Variants in OSBPL3 observed in about 807,000 individuals in gnomAD.
The protein encoded by OSBPL3 is oxysterol binding protein like 3.
In OSBPL3, 65 loss-of-function variants were observed where a neutral mutation model predicts 120.1. The observed-to-expected ratio is 0.54, with a 90% CI of 0.44 to 0.67. The LOEUF is 0.67. Among genes scored for constraint, OSBPL3 ranks in the 30% least tolerant of loss-of-function variants. The pLI, the probability that OSBPL3 is intolerant of heterozygous loss-of-function variation, is 0.00. For missense variants in OSBPL3, 1,004 were observed against 1,082.1 expected (o/e 0.93, Z 1.01); for synonymous variants, 416 against 402.6 (o/e 1.03, Z -0.40).
In OSBPL3 at chr7:24,808,304, T is replaced by G. The variant is rs898544684; in HGVS notation, c.2318-1402A>C. On this transcript the variant is annotated intron_variant, in intron 20 of 22. Coordinates refer to ENST00000313367, the MANE Select transcript of OSBPL3 (RefSeq NM_015550.4). This position sits in a 1 kb window ranked among gnomAD's most constrained non-coding sequence, Gnocchi z 4.6. The stretch of plus-strand genomic sequence containing the variant: ...AGCAAAGTTTCCTATGGTGTCTTGG[T>G]CAGCTCCCCAGTAACCAGGGAGTGA... 6.6e-6 allele frequency among the ~76,000 whole-genome samples: 1 copy of G among 152,210 alleles called. No individual in the cohort carries two copies. Among genetic ancestry groups the G allele is most frequent in the Non-Finnish European group, 1.5e-5 (1 of 68,038 alleles).
At chr7:24,904,417 A>G (rs569748272) in intron 1 of OSBPL3, among the ~76,000 whole-genome samples, 4 of 152,364 alleles carry the variant, frequency 2.6e-5, no homozygotes, top group South Asian at 2.1e-4. Context: ...AGCAATAACA[A>G]TACAACAATG....
intron 22 of OSBPL3, among the ~76,000 whole-genome samples, chr7:24,801,378 A>C (rs1792337634): frequency 6.6e-6 from 1 of 152,094 alleles, no homozygotes; most frequent in African/African-American, 2.4e-5. Context: ...TACAGCTTCA[A>C]GTTTTTATCT....
rs1795160635 is a variant in OSBPL3, at chr7:24,821,790, T to C, written c.1885-1552A>G. Among the ~76,000 whole-genome samples, 2 of 152,202 alleles carry C rather than the reference T, an allele frequency of 1.3e-5. No homozygotes were observed. The highest frequency in any genetic ancestry group is 1.5e-5 in the Non-Finnish European group (1 of 68,022). On this transcript the variant is annotated intron_variant, in intron 16 of 22. Coordinates refer to ENST00000313367, the MANE Select transcript of OSBPL3 (RefSeq NM_015550.4). This position sits in a 1 kb window ranked among gnomAD's most constrained non-coding sequence, Gnocchi z 5.5. ...AAGAACGTGAGCCCTTCTGTGCCTG[T>C]GGGATTTTCAAGGGCAACTTTCACT...
chr7:24,830,227 C>T lies in OSBPL3; in HGVS notation c.1884+541G>A, dbSNP rs1796201732. ...TCAGATGAGGGCAGGGACTCCTGTC[C>T]GGACCCCTCACCCCCCACCCCACTG... On this transcript the variant is annotated intron_variant, in intron 16 of 22. Coordinates refer to ENST00000313367, the MANE Select transcript of OSBPL3 (RefSeq NM_015550.4). The surrounding 1 kb of genome is among the most constrained non-coding windows in gnomAD (Gnocchi z 4.4). Among the ~76,000 whole-genome samples, 1 of 152,098 alleles carries T rather than the reference C, an allele frequency of 6.6e-6. No individual in the cohort carries two copies. The highest frequency in any genetic ancestry group is 2.4e-5 in the African/African-American group (1 of 41,410).
In OSBPL3 at chr7:24,799,155, T is replaced by G. The variant is rs905212284; in HGVS notation, c.*1028A>C. ...AGATGGCAACTTTTTATACAAGATCTAAAATATGGTGCTTATTAAGAGGTA... is the reference window on the plus strand; with the variant it reads ...AGATGGCAACTTTTTATACAAGATCGAAAATATGGTGCTTATTAAGAGGTA... On this transcript the variant is annotated 3_prime_UTR_variant, in exon 23 of 23. Coordinates refer to ENST00000313367, the MANE Select transcript of OSBPL3 (RefSeq NM_015550.4). The surrounding 1 kb of genome is among the most constrained non-coding windows in gnomAD (Gnocchi z 5.3). 2 of 152,652 alleles carry G rather than the reference T, an allele frequency of 1.3e-5. No individual in the cohort carries two copies. Among genetic ancestry groups the G allele is most frequent in the African/African-American group, 4.8e-5 (2 of 41,464 alleles). The allele number at this position is 152,652 out of a possible 1,614,324, so 9.5% of individuals were successfully genotyped here.
intron 1 of OSBPL3, among the ~76,000 whole-genome samples, chr7:24,941,457 C>T (rs1187871059): frequency 6.6e-6 from 1 of 152,160 alleles, no homozygotes; most frequent in Non-Finnish European, 1.5e-5. Flanking sequence ...ATATCTCCTA[C>T]CTAGCTTTCC....
chr7:24,909,783 C>CTTTTTTTTTTTTTTTTTTTTTT (rs10591188), intron 1 of OSBPL3, among the ~76,000 whole-genome samples: 2 of 77,294 alleles, frequency 2.6e-5, no homozygotes, highest in Non-Finnish European at 4.6e-5. Context: ...TTTTTTCTTT[C>CTTTTTTTTTTTTTTTTTTTTTT]TTTTTTTTTT....
rs1159134349 is a variant in OSBPL3, at chr7:24,952,511, T to G, written c.-150+27375A>C. Among the ~76,000 whole-genome samples, 1 of 152,214 alleles carries G rather than the reference T, an allele frequency of 6.6e-6. No homozygotes were observed. The highest frequency in any genetic ancestry group is 2.4e-5 in the African/African-American group (1 of 41,458). ...TTTGTAATACCCTTAAAGAATATCC[T>G]GAAATTGGATGAAATTTTAGATGTT... On this transcript the variant is annotated intron_variant, in intron 1 of 22. Transcript: ENST00000313367. This position sits in a 1 kb window ranked among gnomAD's most constrained non-coding sequence, Gnocchi z 4.4.
In OSBPL3 at chr7:24,943,457, C is replaced by T. The variant is rs377053176; in HGVS notation, c.-150+36429G>A. Among the ~76,000 whole-genome samples, 27 of 152,320 alleles carry T rather than the reference C, an allele frequency of 1.8e-4. 4 individuals are homozygous for T. Among genetic ancestry groups the T allele is most frequent in the South Asian group, 1.7e-3 (8 of 4,828 alleles). On this transcript the variant is annotated intron_variant, in intron 1 of 22. Transcript: ENST00000313367. ...CAATACAAAAAGCAGTCAAGCACCA[C>T]ATTCATAAATTGAAGTTTATCACCT...
intron 1 of OSBPL3, among the ~76,000 whole-genome samples, chr7:24,962,427 A>AGAGGAGGGAG (rs1554420657): frequency 1.9e-5 from 1 of 53,492 alleles, no homozygotes; most frequent in Non-Finnish European, 3.5e-5. Flanking sequence ...AGGGGAGGGG[A>AGAGGAGGGAG]GAGGAGAGAG....
rs966647940 is a variant in OSBPL3 at position 24,849,648 on chromosome 7, T to A, written c.1159-472A>T. On this transcript the variant is annotated intron_variant, in intron 11 of 22. Coordinates refer to ENST00000313367, the MANE Select transcript of OSBPL3 (RefSeq NM_015550.4). The surrounding 1 kb of genome is among the most constrained non-coding windows in gnomAD (Gnocchi z 5.4). ...TTACTTAATTATCATACCCATTGAA[T>A]CAGATTTTAGAAAGTGTGCTGGAGG... Among the ~76,000 whole-genome samples the A allele has an allele frequency of 1.3e-5, 2 of 152,194 alleles. No individual in the cohort carries two copies. The highest frequency in any genetic ancestry group is 3.8e-4 in the East Asian group (2 of 5,198).
chr7:24,865,528 G>C, intron 6 of OSBPL3, 63 bp from the exon 7 acceptor site: 2 of 1,551,826 alleles, frequency 1.3e-6, no homozygotes, highest in Non-Finnish European at 1.8e-6. Flanking sequence ...GACATGTTAA[G>C]ACAAAGGATA....
intron 2 of OSBPL3, among the ~76,000 whole-genome samples, chr7:24,876,295 G>T (rs754804330): frequency 1.3e-5 from 2 of 152,048 alleles, no homozygotes; most frequent in Non-Finnish European, 2.9e-5. Context: ...CAGGATTTTA[G>T]TTTGGTTTCT....
intron 1 of OSBPL3, among the ~76,000 whole-genome samples, chr7:24,893,343 A>G (rs550440985): frequency 2.0e-5 from 3 of 152,380 alleles, no homozygotes; most frequent in Admixed American, 2.0e-4. Flanking sequence ...GAACCTTGAC[A>G]ACATTAGGCT....
intron 14 of OSBPL3, among the ~76,000 whole-genome samples, chr7:24,838,084 T>C (rs1306835386): frequency 6.6e-6 from 1 of 152,200 alleles, no homozygotes; most frequent in East Asian, 1.9e-4. Flanking sequence ...TATTGATGCT[T>C]AGAAATATAA....
In OSBPL3 at chr7:24,960,997, A is replaced by C. The variant is rs116605045; in HGVS notation, c.-150+18889T>G. Among the ~76,000 whole-genome samples, 167 of 152,376 alleles carry C rather than the reference A, an allele frequency of 1.1e-3. 4 individuals are homozygous for C. Among genetic ancestry groups the C allele is most frequent in the African/African-American group, 3.2e-3 (134 of 41,592 alleles). ...GCAACAAGGAAAACCAGCAAGGGAT[A>C]TGAATAATTAAACTTCGAAATAATT... is the stretch of plus-strand genomic sequence containing the variant. On this transcript the variant is annotated intron_variant, in intron 1 of 22. Coordinates refer to ENST00000313367, the MANE Select transcript of OSBPL3 (RefSeq NM_015550.4).
chr7:24,832,830 G>A (rs2128175663), intron 15 of OSBPL3, among the ~76,000 whole-genome samples: 1 of 152,276 alleles, frequency 6.6e-6, no homozygotes, highest in South Asian at 2.1e-4. Flanking sequence ...CCAGGCAGGG[G>A]CATAAGCAGA....
intron 7 of OSBPL3, among the ~76,000 whole-genome samples, chr7:24,864,354 C>A (rs780340233): frequency 4.5e-4 from 69 of 152,218 alleles, no homozygotes; most frequent in Middle Eastern, 3.2e-3. Flanking sequence ...TAAACCACAG[C>A]TCGTTGGGCT....
At chr7:24,886,787 A>G (rs2128324498) in intron 2 of OSBPL3, among the ~76,000 whole-genome samples, 1 of 152,324 alleles carries the variant, frequency 6.6e-6, no homozygotes, top group African/African-American at 2.4e-5. Context: ...ACATTTGTGA[A>G]GGCTTCTCTC....
Sources: allele counts gnomAD v4.1 joint callset (sites outside exome capture counted in the v4.1 genomes callset), GRCh38; gene constraint gnomAD v4.1.1; non-coding constraint Gnocchi (gnomAD v3.1); transcripts MANE v1.5; gene names NCBI Gene and HGNC (gene_info 2026-07-23, HGNC 2026-07-21).